The following SDK1 variants were observed in gnomAD, a reference collection of about 807,000 sequenced individuals.
The protein encoded by SDK1 is sidekick cell adhesion molecule 1.
A neutral mutation model predicts 245.5 loss-of-function variants in SDK1; 157 were observed. That is an observed-to-expected ratio of 0.64 (90% confidence interval 0.56 to 0.73). The LOEUF (loss-of-function observed/expected upper bound fraction) is 0.73, where lower values mean the gene tolerates loss of function less well. Ranked by LOEUF, SDK1 falls within the 30% of genes least tolerant of loss-of-function variation. SDK1 has a pLI of 0.00. For synonymous variants in SDK1, 1,647 were observed against 1,278.5 expected (o/e 1.29, Z -6.15); for missense variants, 3,583 against 3,002.3 (o/e 1.19, Z -4.52).
At chr7:4,064,598 G>A (rs754912393) in intron 19 of SDK1, among the ~76,000 whole-genome samples, 2 of 152,084 alleles carry the variant, frequency 1.3e-5, no homozygotes, top group Non-Finnish European at 2.9e-5. Context: ...GTGCATCAAA[G>A]GATACCCATA....
chr7:3,348,808 C>G (rs1025983942), intron 1 of SDK1, among the ~76,000 whole-genome samples: 4 of 152,164 alleles, frequency 2.6e-5, no homozygotes, highest in South Asian at 2.1e-4. Context: ...AGTACTATGC[C>G]TGGAACATGG....
intron 9 of SDK1, among the ~76,000 whole-genome samples, chr7:3,966,358 T>C (rs895640260): frequency 2.6e-5 from 4 of 152,106 alleles, no homozygotes; most frequent in Non-Finnish European, 4.4e-5. Flanking sequence ...CCAGGGACCC[T>C]CACAGAAGAC....
intron 1 of SDK1, among the ~76,000 whole-genome samples, chr7:3,373,473 AAAG>A (rs944291735): frequency 1.3e-5 from 2 of 152,210 alleles, no homozygotes; most frequent in African/African-American, 4.8e-5. Flanking sequence ...TCCCTTCTAA[AAAG>A]AAAATCCCTT....
intron 5 of SDK1, among the ~76,000 whole-genome samples, chr7:3,927,277 A>C (rs769960677): frequency 2.0e-5 from 3 of 152,184 alleles, no homozygotes; most frequent in Non-Finnish European, 4.4e-5. Context: ...TGCTAATTGA[A>C]ATAGAATTTT....
intron 4 of SDK1, among the ~76,000 whole-genome samples, chr7:3,644,177 C>T (rs898394174): frequency 2.0e-5 from 3 of 150,730 alleles, no homozygotes; most frequent in African/African-American, 7.3e-5. Context: ...GCTGGGATTA[C>T]AGGCATGAGC....
intron 1 of SDK1, among the ~76,000 whole-genome samples, chr7:3,539,961 A>C (rs1269680517): frequency 2.0e-5 from 3 of 152,198 alleles, no homozygotes; most frequent in Non-Finnish European, 4.4e-5. Context: ...CATACCTCCT[A>C]ATTTTTTTTA....
At chr7:3,798,916 T>C (rs1052381783) in intron 4 of SDK1, among the ~76,000 whole-genome samples, 1 of 152,228 alleles carries the variant, frequency 6.6e-6, no homozygotes, top group Non-Finnish European at 1.5e-5. Flanking sequence ...AATTTTAGCG[T>C]TCACCAGTGG....
chr7:3,730,902 T>A (rs1179030570), intron 4 of SDK1, among the ~76,000 whole-genome samples: 1 of 152,146 alleles, frequency 6.6e-6, no homozygotes, highest in Non-Finnish European at 1.5e-5. Context: ...GCCATCAGTC[T>A]TTTTGGAATA....
chr7:3,625,942 C>CTTTTTTTTT (rs3086084), intron 2 of SDK1, among the ~76,000 whole-genome samples: 4 of 129,798 alleles, frequency 3.1e-5, no homozygotes, highest in African/African-American at 8.7e-5. Flanking sequence ...TCTTTTCTTT[C>CTTTTTTTTT]TTTTTTTTTT....
At chr7:4,208,896 G>A (rs1225402673) in intron 37 of SDK1, among the ~76,000 whole-genome samples, 1 of 152,266 alleles carries the variant, frequency 6.6e-6, no homozygotes, top group Non-Finnish European at 1.5e-5. Context: ...TTTCCTAGCA[G>A]CCTGGAGGAT....
At chr7:4,090,487 A>G (rs937307478) in intron 22 of SDK1, among the ~76,000 whole-genome samples, 1 of 152,188 alleles carries the variant, frequency 6.6e-6, no homozygotes, top group Non-Finnish European at 1.5e-5. Context: ...ATTTTAACCC[A>G]TTGCTATCAT....
intron 1 of SDK1, chr7:3,338,631 CAAAA>C (rs5881978): frequency 0.033 from 6,142 of 185,626 alleles, 355 homozygotes; most frequent in African/African-American, 0.13. Context: ...AACAAACAAA[CAAAA>C]AAAAACACCA....
At chr7:3,882,140 C>G (rs1409339340) in intron 5 of SDK1, among the ~76,000 whole-genome samples, 1 of 152,144 alleles carries the variant, frequency 6.6e-6, no homozygotes, top group Non-Finnish European at 1.5e-5. Flanking sequence ...TCTTGTGAGA[C>G]TTATTCACGA....
At chr7:3,871,996 G>C (rs774776421) in intron 5 of SDK1, among the ~76,000 whole-genome samples, 3 of 152,156 alleles carry the variant, frequency 2.0e-5, no homozygotes, top group Non-Finnish European at 2.9e-5. Flanking sequence ...CTCATTTTCT[G>C]GGAGTTTTTG....
chr7:4,107,295 C>G (rs1409245802), intron 22 of SDK1, among the ~76,000 whole-genome samples: 1 of 152,122 alleles, frequency 6.6e-6, no homozygotes, highest in African/African-American at 2.4e-5. Flanking sequence ...CACACATGCA[C>G]AGACCAGGCA....
intron 1 of SDK1, among the ~76,000 whole-genome samples, chr7:3,550,235 G>A (rs781459638): frequency 2.6e-5 from 4 of 152,086 alleles, no homozygotes; most frequent in African/African-American, 4.8e-5. Context: ...TCTTAAAGAG[G>A]CTGCAAATTT....
chr7:4,140,735 A>G (rs1366561148), intron 28 of SDK1, among the ~76,000 whole-genome samples: 2 of 152,106 alleles, frequency 1.3e-5, no homozygotes, highest in Admixed American at 6.6e-5. Flanking sequence ...GAATGTCATG[A>G]AGTCTTAATA....
chr7:3,325,945 G>A (rs567894009), intron 1 of SDK1, among the ~76,000 whole-genome samples: 1 of 152,078 alleles, frequency 6.6e-6, no homozygotes, highest in African/African-American at 2.4e-5. Context: ...ATCTCGCTTG[G>A]TTGTATCCAG....
chr7:3,391,815 G>T (rs904268894), intron 1 of SDK1, among the ~76,000 whole-genome samples: 9 of 151,422 alleles, frequency 5.9e-5, no homozygotes, highest in African/African-American at 2.2e-4. Flanking sequence ...TTTTTGTAGA[G>T]GTGAGGTTTT....
Sources: gnomAD v4.1 joint callset for allele counts (sites outside exome capture counted in the v4.1 genomes callset) on GRCh38, gnomAD v4.1.1 for gene constraint, MANE v1.5 for transcripts, NCBI Gene and HGNC (gene_info 2026-07-23, HGNC 2026-07-21) for gene names.